Variants in ARAP2 observed in about 807,000 individuals in gnomAD.
ARAP2 encodes the protein ArfGAP with RhoGAP domain, ankyrin repeat and PH domain 2, also known as arf-GAP with Rho-GAP domain, ANK repeat and PH domain-containing protein 2.
Under a neutral mutation model 194.5 loss-of-function variants are expected in ARAP2, and 148 were observed. That is an observed-to-expected ratio of 0.76 (90% CI 0.67 to 0.87). The LOEUF (loss-of-function observed/expected upper bound fraction) is 0.87. Ranked by LOEUF, ARAP2 falls within the 40% of genes least tolerant of loss-of-function variation. The pLI is 0.00. For missense variants in ARAP2, 2,128 were observed against 1,989.7 expected (o/e 1.07, Z -1.32); for synonymous variants, 695 against 683.5 (o/e 1.02, Z -0.26).
intron 6 of ARAP2, among the ~76,000 whole-genome samples, chr4:36,202,957 CT>C (rs1196340396): frequency 6.6e-6 from 1 of 152,160 alleles, no homozygotes; most frequent in African/African-American, 2.4e-5. Flanking sequence ...TGCATTACCT[CT>C]GAAAATCTCA....
At chr4:36,122,091 G>C (rs1480096759) in intron 22 of ARAP2, among the ~76,000 whole-genome samples, 1 of 151,620 alleles carries the variant, frequency 6.6e-6, no homozygotes, top group East Asian at 2.0e-4. Flanking sequence ...AGTCAGAATG[G>C]CTATTACTGA....
chr4:36,233,181 C>G (rs886734000), intron 1 of ARAP2, among the ~76,000 whole-genome samples: 1 of 152,222 alleles, frequency 6.6e-6, no homozygotes, highest in Non-Finnish European at 1.5e-5. Flanking sequence ...CTTAGATGCT[C>G]TAGCCCCAAG....
intron 5 of ARAP2, among the ~76,000 whole-genome samples, chr4:36,030,260 T>A (rs1288609508): frequency 6.6e-6 from 1 of 152,124 alleles, no homozygotes; most frequent in Non-Finnish European, 1.5e-5. Flanking sequence ...TATTTCTATA[T>A]AACTATAAAA....
rs746497686 is a variant in ARAP2 at position 36,117,130 on chromosome 4, G to A, written c.3969C>T (p.Ser1323=). Residue 1323 remains serine (S), a synonymous_variant, in exon 25 of 33, where the codon TCC becomes TCT. Coordinates refer to ENST00000303965, the MANE Select transcript of ARAP2 (RefSeq NM_015230.4). ...CTTCAATTAACAAATCTCCAGCCTG[G>A]GAAACCTAGAAAAGGGCAGAGGTAG... ...FITKWKDTQV[S]QAGDLLIEVY... 10 of 1,594,114 alleles carry A rather than the reference G, an allele frequency of 6.3e-6. No individual in the cohort carries two copies. Among genetic ancestry groups the A allele is most frequent in the Middle Eastern group, 1.7e-4 (1 of 5,996 alleles).
intron 20 of ARAP2, among the ~76,000 whole-genome samples, chr4:36,131,487 AAC>A (rs1281405949): frequency 6.6e-6 from 1 of 151,462 alleles, no homozygotes; most frequent in Non-Finnish European, 1.5e-5. Flanking sequence ...TAACTATATA[AAC>A]ACAATCTTCC....
chr4:36,027,215 A>T (rs1718064843), intron 5 of ARAP2, among the ~76,000 whole-genome samples: 1 of 152,098 alleles, frequency 6.6e-6, no homozygotes, highest in Non-Finnish European at 1.5e-5. Flanking sequence ...TCTATGAGGT[A>T]GGTACCATAT....
At chr4:36,212,518 A>C in intron 4 of ARAP2, 31 bp from the exon 5 acceptor site, 2 of 1,522,622 alleles carry the variant, frequency 1.3e-6, no homozygotes, top group Non-Finnish European at 1.8e-6. Context: ...CAAAAAACAC[A>C]TACTGTTTTG....
At chr4:36,077,887 G>A (rs1405715443) in intron 31 of ARAP2, among the ~76,000 whole-genome samples, 2 of 152,074 alleles carry the variant, frequency 1.3e-5, no homozygotes, top group Non-Finnish European at 2.9e-5. Context: ...CCCCATTCCT[G>A]AATGATCCTT....
chr4:36,146,585 C>CT (rs1435377051), intron 19 of ARAP2, among the ~76,000 whole-genome samples: 3 of 152,062 alleles, frequency 2.0e-5, no homozygotes, highest in Non-Finnish European at 4.4e-5. Context: ...CTGAAATACT[C>CT]TATCTGGATT....
chr4:36,042,890 T>C (rs1227132950), intron 5 of ARAP2, among the ~76,000 whole-genome samples: 1 of 151,680 alleles, frequency 6.6e-6, no homozygotes, highest in Non-Finnish European at 1.5e-5. Context: ...TCACGCAGGC[T>C]GGAGTGCAAT....
chr4:36,123,926 A>G (rs1723275713), intron 22 of ARAP2, among the ~76,000 whole-genome samples: 1 of 151,778 alleles, frequency 6.6e-6, no homozygotes, highest in Admixed American at 6.6e-5. Flanking sequence ...GGACCACAAC[A>G]CACAATGAAT....
intron 6 of ARAP2, among the ~76,000 whole-genome samples, chr4:36,202,584 A>T (rs573581605): frequency 8.5e-5 from 13 of 152,272 alleles, no homozygotes; most frequent in African/African-American, 3.1e-4. Context: ...GTGTGCAACT[A>T]CCAATTTTAA....
At chr4:36,098,699 T>C (rs1202541497) in intron 27 of ARAP2, among the ~76,000 whole-genome samples, 1 of 152,084 alleles carries the variant, frequency 6.6e-6, no homozygotes, top group Non-Finnish European at 1.5e-5. Flanking sequence ...TTGATTGATC[T>C]TGAGAGAAAT....
At position 36,128,725 on chromosome 4, in the gene ARAP2, A is replaced by G. The variant is rs765752627; in HGVS notation, c.3448T>C (p.Tyr1150His). Residue 1150 changes from tyrosine to histidine, a missense_variant, in exon 21 of 33, where the codon TAT becomes CAT. Tyr to His is a moderately conservative substitution (Grantham distance 83). Transcript: ENST00000303965. ...TGCAAAGGATCACCATTCTTTTGAT[A>G]GATATATTTGCATCCTAAACCTTTG... Reference protein sequence around the residue: ...TQYGLGCKYIYQKNGDPLHIS... With the variant: ...TQYGLGCKYIHQKNGDPLHIS... 4.4e-6 allele frequency: 7 copies of G among 1,606,994 alleles called. No individual in the cohort carries two copies. In the South Asian group the frequency reaches 7.7e-5, roughly 18 times the overall value.
chr4:36,146,153 A>G (rs761496370), intron 19 of ARAP2, among the ~76,000 whole-genome samples: 1 of 151,936 alleles, frequency 6.6e-6, no homozygotes, highest in Non-Finnish European at 1.5e-5. Flanking sequence ...TGACTCTTAC[A>G]CTTATCTAAT....
chr4:36,149,268 C>T (rs1730362004), intron 16 of ARAP2, among the ~76,000 whole-genome samples: 1 of 152,086 alleles, frequency 6.6e-6, no homozygotes, highest in African/African-American at 2.4e-5. Context: ...AAGCTCAAAA[C>T]CCTTGAGTGT....
In ARAP2 at chr4:36,154,168, A is replaced by T. The variant is rs1023677594; in HGVS notation, c.2753-3124T>A. On this transcript the variant is annotated intron_variant, in intron 15 of 32. Transcript: ENST00000303965. ...TTACGGTAAAGAATGTGTACAATAC[A>T]TCTGAGGTAGTTAAGACAAAACTAT... 2.0e-5 allele frequency among the ~76,000 whole-genome samples: 3 copies of T among 152,316 alleles called. No individual in the cohort carries two copies. In the South Asian group the frequency reaches 6.2e-4, roughly 32 times the overall value.
At position 36,228,576 on chromosome 4, in the gene ARAP2, T is replaced by G. The variant is rs953823775; in HGVS notation, c.905+6A>C. 2 of 1,570,592 alleles carry G rather than the reference T, an allele frequency of 1.3e-6. No homozygotes were observed. Among genetic ancestry groups the G allele is most frequent in the African/African-American group, 2.7e-5 (2 of 72,890 alleles). On this transcript the variant is annotated splice_donor_region_variant and intron_variant, in intron 2 of 32. Coordinates refer to ENST00000303965, the MANE Select transcript of ARAP2 (RefSeq NM_015230.4). Reference sequence around the variant, plus strand: ...AATATTTACAGCTTATTGTAAAGATTCTTACCTCCCAGAAACTCCTTTTGT... The same window carrying G: ...AATATTTACAGCTTATTGTAAAGATGCTTACCTCCCAGAAACTCCTTTTGT...
In ARAP2 at chr4:36,067,873, A is replaced by C. The variant is rs201538061; in HGVS notation, c.*34T>G. The stretch of plus-strand genomic sequence containing the variant: ...CACATAAAGATTGCATACAATATTA[A>C]AAAAATAATCTGGGGAGCAATTCAT... On this transcript the variant is annotated 3_prime_UTR_variant, in exon 33 of 33. Transcript: ENST00000303965. The C allele has an allele frequency of 6.5e-7, 1 of 1,530,066 alleles. No homozygotes were observed. The allele number at this position is 1,530,066 out of a possible 1,614,324, so 94.8% of individuals were successfully genotyped here.
Sources: allele counts gnomAD v4.1 joint callset (sites outside exome capture counted in the v4.1 genomes callset), GRCh38; gene constraint gnomAD v4.1.1; transcripts MANE v1.5; gene names NCBI Gene and HGNC (gene_info 2026-07-23, HGNC 2026-07-21).